Variants in ST6GALNAC3 observed in about 807,000 individuals in gnomAD.
The protein encoded by ST6GALNAC3 is ST6 N-acetylgalactosaminide alpha-2,6-sialyltransferase 3, also known as alpha-N-acetylgalactosaminide alpha-2,6-sialyltransferase 3.
In ST6GALNAC3, 25 loss-of-function variants were observed where a neutral mutation model predicts 32.7. The observed-to-expected ratio is 0.76, with a 90% CI of 0.56 to 1.07. ST6GALNAC3 has a LOEUF of 1.07. Among genes scored for constraint, ST6GALNAC3 ranks in the 50% least tolerant of loss-of-function variants. The pLI, the probability that ST6GALNAC3 is intolerant of heterozygous loss-of-function variation, is 0.00. For synonymous variants in ST6GALNAC3, 129 were observed against 133.1 expected (o/e 0.97, Z 0.21); for missense variants, 355 against 382.4 (o/e 0.93, Z 0.60).
intron 3 of ST6GALNAC3, among the ~76,000 whole-genome samples, chr1:76,620,919 A>G (rs1648601065): frequency 6.6e-6 from 1 of 152,074 alleles, no homozygotes; most frequent in African/African-American, 2.4e-5. Flanking sequence ...AATCTAGAAA[A>G]TCAGCATTTC....
In ST6GALNAC3 at chr1:76,629,889, A is replaced by T. The variant is rs1649201472; in HGVS notation, c.*1083A>T. The T allele has an allele frequency of 1.0e-6, 1 of 984,930 alleles. No homozygotes were observed. 61.0% of individuals were successfully genotyped at this position (984,930 alleles called of 1,614,324 possible). ...CAAGTGCCAGCTGTTACACATGGAG[A>T]GGAAATGATTCCTTATATTAAACCT... On this transcript the variant is annotated 3_prime_UTR_variant, in exon 5 of 5. Transcript: ENST00000328299.
intron 3 of ST6GALNAC3, among the ~76,000 whole-genome samples, chr1:76,532,518 A>C (rs994283177): frequency 3.9e-5 from 6 of 152,274 alleles, no homozygotes; most frequent in African/African-American, 1.4e-4. Context: ...GAACGACAAC[A>C]ACCCAAACGT....
At chr1:76,594,144 G>A (rs896050338) in intron 3 of ST6GALNAC3, among the ~76,000 whole-genome samples, 3 of 152,116 alleles carry the variant, frequency 2.0e-5, no homozygotes, top group African/African-American at 7.2e-5. Flanking sequence ...TGTGATTTTA[G>A]TCATGGCTCG....
Position 76,259,785 on chromosome 1 carries a change from A to T in ST6GALNAC3, c.19-54020A>T, listed in dbSNP as rs142280725. Among the ~76,000 whole-genome samples, 26 of 152,206 alleles carry T rather than the reference A, an allele frequency of 1.7e-4. No homozygotes were observed. The East Asian group carries it at 5.0e-3, about 29-fold the overall frequency. On this transcript the variant is annotated intron_variant, in intron 1 of 4. Coordinates refer to ENST00000328299, the MANE Select transcript of ST6GALNAC3 (RefSeq NM_152996.4). ...TGGGGCAGTAGCATTTTCACTGTTG[A>T]TGAGCTTGTATTTATTTTCTTTGGT... is the stretch of plus-strand genomic sequence containing the variant.
chr1:76,174,077 G>A (rs1652694776), intron 1 of ST6GALNAC3, among the ~76,000 whole-genome samples: 1 of 152,062 alleles, frequency 6.6e-6, no homozygotes, highest in Non-Finnish European at 1.5e-5. Context: ...CAAAGACATG[G>A]AACCAACCCA....
chr1:76,547,300 G>C (rs1664354803), intron 3 of ST6GALNAC3, among the ~76,000 whole-genome samples: 1 of 152,150 alleles, frequency 6.6e-6, no homozygotes, highest in Non-Finnish European at 1.5e-5. Context: ...GTGAGGACAG[G>C]ATTAAAGGAA....
At chr1:76,532,252 G>A (rs912560513) in intron 3 of ST6GALNAC3, among the ~76,000 whole-genome samples, 5 of 152,168 alleles carry the variant, frequency 3.3e-5, no homozygotes, top group South Asian at 2.1e-4. Flanking sequence ...TCCCGAAACC[G>A]TAGGGTGGCC....
intron 1 of ST6GALNAC3, among the ~76,000 whole-genome samples, chr1:76,163,346 T>G (rs983644465): frequency 1.3e-5 from 2 of 152,240 alleles, no homozygotes; most frequent in Non-Finnish European, 2.9e-5. Flanking sequence ...CCACAGTGAT[T>G]AACAAATATG....
At chr1:76,207,631 T>C (rs1343059443) in intron 1 of ST6GALNAC3, among the ~76,000 whole-genome samples, 3 of 152,192 alleles carry the variant, frequency 2.0e-5, no homozygotes, top group Non-Finnish European at 2.9e-5. Context: ...CCGGTGATCA[T>C]GGCATTAACT....
At chr1:76,628,263 A>G (rs1049329226) in intron 4 of ST6GALNAC3, among the ~76,000 whole-genome samples, 1 of 151,988 alleles carries the variant, frequency 6.6e-6, no homozygotes, top group African/African-American at 2.4e-5. Flanking sequence ...TATAAGCATA[A>G]TGGAGCTCAG....
intron 3 of ST6GALNAC3, among the ~76,000 whole-genome samples, chr1:76,575,051 T>C (rs542927901): frequency 1.3e-5 from 2 of 152,266 alleles, no homozygotes; most frequent in East Asian, 1.9e-4. Flanking sequence ...AGCCAAAATA[T>C]TCATTTTTAT....
chr1:76,480,851 G>T (rs1659677319), intron 3 of ST6GALNAC3, among the ~76,000 whole-genome samples: 3 of 152,014 alleles, frequency 2.0e-5, no homozygotes, highest in Admixed American at 2.0e-4. Context: ...GTATTTGAAT[G>T]GGCTAGACTC....
At chr1:76,410,513 C>T (rs1342094748) in intron 2 of ST6GALNAC3, among the ~76,000 whole-genome samples, 1 of 152,016 alleles carries the variant, frequency 6.6e-6, no homozygotes, top group Non-Finnish European at 1.5e-5. Context: ...TAGTACTTAG[C>T]AAAATTTAAC....
At chr1:76,618,152 A>G (rs1648415239) in intron 3 of ST6GALNAC3, among the ~76,000 whole-genome samples, 1 of 152,186 alleles carries the variant, frequency 6.6e-6, no homozygotes, top group Non-Finnish European at 1.5e-5. Context: ...TACCTAGACC[A>G]ATCCTCTTAT....
At chr1:76,213,230 CT>C (rs1655267084) in intron 1 of ST6GALNAC3, among the ~76,000 whole-genome samples, 2 of 152,072 alleles carry the variant, frequency 1.3e-5, no homozygotes, top group Admixed American at 1.3e-4. Flanking sequence ...ACTTCAAAAC[CT>C]AAAAATCCTC....
intron 1 of ST6GALNAC3, among the ~76,000 whole-genome samples, chr1:76,173,321 T>C (rs777916324): frequency 9.2e-5 from 14 of 152,188 alleles, no homozygotes; most frequent in Non-Finnish European, 1.9e-4. Flanking sequence ...TTACACCTTA[T>C]ACAAAAATTC....
intron 1 of ST6GALNAC3, among the ~76,000 whole-genome samples, chr1:76,185,119 C>A (rs1197131837): frequency 1.3e-5 from 2 of 152,170 alleles, no homozygotes; most frequent in Non-Finnish European, 2.9e-5. Context: ...CCAACTTGCT[C>A]AAGGCCACCA....
At chr1:76,418,029 C>T (rs921144022) in intron 3 of ST6GALNAC3, among the ~76,000 whole-genome samples, 1 of 152,146 alleles carries the variant, frequency 6.6e-6, no homozygotes, top group Non-Finnish European at 1.5e-5. Flanking sequence ...CCTGGCTCAT[C>T]TTTGCCAGCC....
intron 3 of ST6GALNAC3, among the ~76,000 whole-genome samples, chr1:76,545,372 C>T (rs1168901343): frequency 1.3e-5 from 2 of 152,118 alleles, no homozygotes; most frequent in African/African-American, 4.8e-5. Context: ...ATAAATATCG[C>T]CTCTTCCTGC....
Sources: allele counts gnomAD v4.1 joint callset (sites outside exome capture counted in the v4.1 genomes callset), GRCh38; gene constraint gnomAD v4.1.1; transcripts MANE v1.5; gene names NCBI Gene and HGNC (gene_info 2026-07-23, HGNC 2026-07-21).